The following SLC9A3 variants were observed in gnomAD, a reference collection of about 807,000 sequenced individuals.
The protein encoded by SLC9A3 is solute carrier family 9 member A3.
In SLC9A3, 37 loss-of-function variants were observed where a neutral mutation model predicts 86.8. That is an observed-to-expected ratio of 0.43 (90% CI 0.33 to 0.56). The LOEUF (loss-of-function observed/expected upper bound fraction) is 0.56. Among genes scored for constraint, SLC9A3 ranks in the 20% least tolerant of loss-of-function variants. SLC9A3 has a pLI of 0.06. For synonymous variants in SLC9A3, 581 were observed against 528.3 expected (o/e 1.10, Z -1.37); for missense variants, 1,011 against 1,171.9 (o/e 0.86, Z 2.00).
Position 471,865 on chromosome 5 carries a change from A to G in SLC9A3, c.*1514T>C. 2.2e-6 allele frequency: 1 copy of G among 456,634 alleles called. No individual in the cohort carries two copies. Among genetic ancestry groups the G allele is most frequent in the South Asian group, 1.5e-5 (1 of 64,570 alleles). 28.3% of individuals were successfully genotyped at this position (456,634 alleles called of 1,614,324 possible). On this transcript the variant is annotated 3_prime_UTR_variant, in exon 17 of 17. Transcript: ENST00000264938. Reference sequence around the variant, plus strand: ...AAAAGCTATCAATGGGAAATTGTGGACTTTTCCCACCAGGGACTCAATGGG... The same window carrying G: ...AAAAGCTATCAATGGGAAATTGTGGGCTTTTCCCACCAGGGACTCAATGGG...
At chr5:484,190 T>G (rs1305806615) in intron 5 of SLC9A3, among the ~76,000 whole-genome samples, 67 of 772 alleles carry the variant, frequency 0.087, no homozygotes, top group Non-Finnish European at 0.15. Context: ...CGGGTTGGGG[T>G]CCCCCTGGCT....
chr5:482,233 A>G, intron 7 of SLC9A3, 76 bp from the exon 8 acceptor site: 1 of 1,145,166 alleles, frequency 8.7e-7, no homozygotes, highest in East Asian at 2.5e-5. Flanking sequence ...TGCACCACAC[A>G]GAGCCACCTG....
At chr5:484,052 C>A (rs1739350195) in intron 5 of SLC9A3, among the ~76,000 whole-genome samples, 1 of 152,224 alleles carries the variant, frequency 6.6e-6, no homozygotes, top group African/African-American at 2.4e-5. Flanking sequence ...ATGCGGCTGG[C>A]ACCTCCCTCC....
chr5:473,851 C>G (rs1324085229), intron 16 of SLC9A3, among the ~76,000 whole-genome samples: 1 of 152,220 alleles, frequency 6.6e-6, no homozygotes, highest in African/African-American at 2.4e-5. Context: ...CCCTGTATCC[C>G]TGTGAGAGGG....
Position 479,965 on chromosome 5 carries a change from C to T in SLC9A3, c.1518G>A (p.Lys506=). The change falls in exon 10 of 17, where the codon AAG becomes AAA. Residue 506 remains lysine (K), a splice_region_variant and synonymous_variant. Coordinates refer to ENST00000264938, the MANE Select transcript of SLC9A3 (RefSeq NM_004174.4). ...GQIGHNYLRD[K]WSHFDRKFLS... ...GGAACTTCCTGTCGAAGTGGGACCA[C>T]CTGTAGGGACAGACCTTGGGTGTGA... 1.2e-6 allele frequency: 2 copies of T among 1,613,288 alleles called. No individual in the cohort carries two copies. Among genetic ancestry groups the T allele is most frequent in the African/African-American group, 1.3e-5 (1 of 75,072 alleles).
At chr5:488,061 C>T (rs939433534) in intron 3 of SLC9A3, among the ~76,000 whole-genome samples, 2 of 152,254 alleles carry the variant, frequency 1.3e-5, no homozygotes, top group Admixed American at 6.5e-5. Flanking sequence ...GGGATTTCAA[C>T]AGCGCCATCA....
At chr5:506,577 C>A (rs1237447383) in intron 1 of SLC9A3, among the ~76,000 whole-genome samples, 1 of 152,226 alleles carries the variant, frequency 6.6e-6, no homozygotes, top group Non-Finnish European at 1.5e-5. Flanking sequence ...CTTCTGGGCG[C>A]TGCTCCCAGG....
chr5:506,626 G>T (rs185530266), intron 1 of SLC9A3, among the ~76,000 whole-genome samples: 1 of 152,326 alleles, frequency 6.6e-6, no homozygotes, highest in Non-Finnish European at 1.5e-5. Context: ...GTTTTAACCC[G>T]TGCAGAGCTG....
chr5:501,726 G>C (rs1445765233), intron 1 of SLC9A3, among the ~76,000 whole-genome samples: 1 of 152,272 alleles, frequency 6.6e-6, no homozygotes, highest in African/African-American at 2.4e-5. Flanking sequence ...TTACCCGCCT[G>C]TGGGGCACCG....
chr5:505,931 G>C (rs1740558533), intron 1 of SLC9A3, among the ~76,000 whole-genome samples: 1 of 151,748 alleles, frequency 6.6e-6, no homozygotes, highest in Non-Finnish European at 1.5e-5. Flanking sequence ...CTTTGGGGTG[G>C]GGTTAGGGTT....
rs1445039375 is a variant in SLC9A3 at position 475,109 on chromosome 5, G to A, written c.2275C>T (p.Pro759Ser). The A allele has an allele frequency of 6.2e-7, 1 of 1,603,576 alleles. No homozygotes were observed. The highest frequency in any genetic ancestry group is 2.2e-5 in the East Asian group (1 of 44,684). ...AGGCTGCGGTCCAGGGCCTCGTCCGGAGAAAACACAGGGTTGTCAATTCCT... is the reference window on the plus strand; with the variant it reads ...AGGCTGCGGTCCAGGGCCTCGTCCGAAGAAAACACAGGGTTGTCAATTCCT... ...PAGIDNPVFS[P>S]DEALDRSLLA... The change falls in exon 16 of 17, where the codon CCG becomes TCG. Residue 759 changes from proline (P) to serine (S), a missense_variant. Coordinates refer to ENST00000264938, the MANE Select transcript of SLC9A3 (RefSeq NM_004174.4).
chr5:511,703 C>T (rs540242723), intron 1 of SLC9A3, among the ~76,000 whole-genome samples: 10 of 152,366 alleles, frequency 6.6e-5, no homozygotes, highest in African/African-American at 2.2e-4. Context: ...CACAGGGTGG[C>T]GCGGCCACTT....
intron 1 of SLC9A3, among the ~76,000 whole-genome samples, chr5:522,421 CTG>C (rs1157025715): frequency 1.3e-5 from 2 of 152,350 alleles, no homozygotes; most frequent in Non-Finnish European, 2.9e-5. Context: ...GATTCTGACT[CTG>C]TACACTGGGC....
At position 472,202 on chromosome 5, in the gene SLC9A3, C is replaced by T. The variant is rs1738396978; in HGVS notation, c.*1177G>A. 2.8e-6 allele frequency: 1 copy of T among 363,034 alleles called. No homozygotes were observed. The highest frequency in any genetic ancestry group is 5.4e-6 in the Non-Finnish European group (1 of 185,228). 22.5% of individuals were successfully genotyped at this position (363,034 alleles called of 1,614,324 possible). A position where few individuals can be genotyped will look rare whatever the true frequency, so the allele number is the denominator to read the frequency against. On this transcript the variant is annotated 3_prime_UTR_variant, in exon 17 of 17. Transcript: ENST00000264938. ...CCTCCCAGAGCTTGGGCTGGATGGT[C>T]TCCCTGCAGAGGACCAGGAGCTCTG...
intron 1 of SLC9A3, among the ~76,000 whole-genome samples, chr5:501,348 G>A (rs1452570958): frequency 6.6e-6 from 1 of 152,212 alleles, no homozygotes; most frequent in Non-Finnish European, 1.5e-5. Context: ...CCACAAAAAT[G>A]CAACAGCGCA....
rs969230935 is a variant in SLC9A3, at chr5:472,738, G to A, written c.*641C>T. 17 of 578,276 alleles carry A rather than the reference G, an allele frequency of 2.9e-5. No individual in the cohort carries two copies. The highest frequency in any genetic ancestry group is 4.3e-5 in the Non-Finnish European group (13 of 305,434). 35.8% of individuals were successfully genotyped at this position (578,276 alleles called of 1,614,324 possible). A position where few individuals can be genotyped will look rare whatever the true frequency, so the allele number is the denominator to read the frequency against. On this transcript the variant is annotated 3_prime_UTR_variant, in exon 17 of 17. Coordinates refer to ENST00000264938, the MANE Select transcript of SLC9A3 (RefSeq NM_004174.4). ...GGCGCTCGGCCCAGGCCGCTTGCGG[G>A]CGCTGGGCCTGCAGCCGCTGCAGGT...
intron 16 of SLC9A3, among the ~76,000 whole-genome samples, chr5:473,828 C>G (rs1306956260): frequency 6.6e-6 from 1 of 152,208 alleles, no homozygotes. Flanking sequence ...TCCGGGTCTG[C>G]GGGGCCGGCC....
In SLC9A3 at chr5:472,729, C is replaced by T. The variant is rs1738434846; in HGVS notation, c.*650G>A. On this transcript the variant is annotated 3_prime_UTR_variant, in exon 17 of 17. Transcript: ENST00000264938. Reference sequence around the variant, plus strand: ...CCTGGAAACGGCGCTCGGCCCAGGCCGCTTGCGGGCGCTGGGCCTGCAGCC... The same window carrying T: ...CCTGGAAACGGCGCTCGGCCCAGGCTGCTTGCGGGCGCTGGGCCTGCAGCC... 1 of 572,396 alleles carries T rather than the reference C, an allele frequency of 1.7e-6. No homozygotes were observed. Among genetic ancestry groups the T allele is most frequent in the South Asian group, 1.5e-5 (1 of 65,542 alleles). The allele number at this position is 572,396 out of a possible 1,614,324, so 35.5% of individuals were successfully genotyped here. A position where few individuals can be genotyped will look rare whatever the true frequency, so the allele number is the denominator to read the frequency against.
At chr5:493,048 G>A (rs967255780) in intron 1 of SLC9A3, among the ~76,000 whole-genome samples, 7 of 152,124 alleles carry the variant, frequency 4.6e-5, no homozygotes, top group Admixed American at 1.3e-4. Context: ...GGCTCTGCCC[G>A]GCCCTGTGGG....
Sources: allele counts gnomAD v4.1 joint callset (sites outside exome capture counted in the v4.1 genomes callset), GRCh38; gene constraint gnomAD v4.1.1; transcripts MANE v1.5; gene names NCBI Gene and HGNC (gene_info 2026-07-23, HGNC 2026-07-21).